Variants in XKR6 observed in about 807,000 individuals in gnomAD.
The protein encoded by XKR6 is XK-related protein 6.
XKR6 carries 22 observed loss-of-function variants against 56.7 expected under a neutral mutation model. The ratio of observed to expected loss-of-function variants is 0.39; its 90% CI spans 0.28 to 0.55. XKR6 has a LOEUF of 0.55. Among genes scored for constraint, XKR6 ranks in the 20% least tolerant of loss-of-function variants. The probability of loss-of-function intolerance (pLI) is 0.66; values close to 1 mark genes in which losing one functional copy is unlikely to be tolerated. For synonymous variants in XKR6, 524 were observed against 387.8 expected (o/e 1.35, Z -4.13); for missense variants, 852 against 889.0 (o/e 0.96, Z 0.53).
chr8:10,995,856 T>G (rs73662663), intron 1 of XKR6, among the ~76,000 whole-genome samples: 19,304 of 152,188 alleles, frequency 0.13, 1,358 homozygotes, highest in African/African-American at 0.19. Context: ...CAATCCTTCC[T>G]CTTTGGTGAA....
At chr8:10,971,601 T>C (rs1305240464) in intron 1 of XKR6, among the ~76,000 whole-genome samples, 1 of 152,022 alleles carries the variant, frequency 6.6e-6, no homozygotes, top group African/African-American at 2.4e-5. Context: ...CCCAGAGAAG[T>C]TGAGCAACTT....
chr8:10,945,317 CTA>C (rs1801502880), intron 1 of XKR6, among the ~76,000 whole-genome samples: 1 of 152,188 alleles, frequency 6.6e-6, no homozygotes, highest in Non-Finnish European at 1.5e-5. Context: ...AACCCTGTCT[CTA>C]CTAAAACTAC....
intron 1 of XKR6, among the ~76,000 whole-genome samples, chr8:10,963,789 C>G (rs1357005482): frequency 6.6e-6 from 1 of 152,154 alleles, no homozygotes; most frequent in Non-Finnish European, 1.5e-5. Flanking sequence ...AGCAATCCTC[C>G]CACCTCAGCC....
intron 1 of XKR6, among the ~76,000 whole-genome samples, chr8:10,992,454 T>C (rs1460396437): frequency 6.6e-6 from 1 of 152,168 alleles, no homozygotes; most frequent in Non-Finnish European, 1.5e-5. Flanking sequence ...CAGATGTGCT[T>C]CTTTCATCAG....
intron 1 of XKR6, among the ~76,000 whole-genome samples, chr8:11,116,340 G>A (rs917031909): frequency 1.3e-5 from 2 of 152,146 alleles, no homozygotes; most frequent in African/African-American, 4.8e-5. Flanking sequence ...CAGAGAACCT[G>A]TCGGCTACCC....
Position 11,201,383 on chromosome 8 carries a change from CGG to C in XKR6, c.-46_-45del, listed in dbSNP as rs553226221. 0.082 allele frequency: 12,587 copies of C among 154,272 alleles called. 148 individuals are homozygous for C. Among genetic ancestry groups the C allele is most frequent in the African/African-American group, 0.13 (2,303 of 18,336 alleles). 9.6% of individuals were successfully genotyped at this position (154,272 alleles called of 1,614,324 possible). ...TCCGGAGGTTGGGGGGGAGGGACGG[CGG>C]GGGGGGGGGGAAGAAGGCAGGGAAC... On this transcript the variant is annotated 5_prime_UTR_variant, in exon 1 of 3. Transcript: ENST00000416569.
intron 1 of XKR6, among the ~76,000 whole-genome samples, chr8:11,182,909 A>T: frequency 6.6e-6 from 1 of 152,000 alleles, no homozygotes; most frequent in Non-Finnish European, 1.5e-5. Context: ...CCCCCTTTCT[A>T]CTATGTCTCT....
chr8:11,166,246 T>C (rs942340181), intron 1 of XKR6, among the ~76,000 whole-genome samples: 1 of 152,216 alleles, frequency 6.6e-6, no homozygotes, highest in Admixed American at 6.5e-5. Context: ...TAAAGTTGTA[T>C]ATAAACCAAA....
At chr8:10,921,169 A>G (rs1483723192) in intron 2 of XKR6, among the ~76,000 whole-genome samples, 3 of 152,244 alleles carry the variant, frequency 2.0e-5, no homozygotes, top group Non-Finnish European at 1.5e-5. Context: ...GCCCCTTGGG[A>G]ATCCCCACTG....
intron 1 of XKR6, among the ~76,000 whole-genome samples, chr8:10,950,012 T>C (rs1801670630): frequency 6.6e-6 from 1 of 152,164 alleles, no homozygotes; most frequent in Non-Finnish European, 1.5e-5. Flanking sequence ...AGCTGGAAGC[T>C]TTCTGAGGTC....
intron 2 of XKR6, among the ~76,000 whole-genome samples, chr8:10,917,080 T>A (rs1800583777): frequency 6.6e-6 from 1 of 152,240 alleles, no homozygotes. Flanking sequence ...TGCTTTTTTT[T>A]TTTTTGGCAC....
intron 1 of XKR6, among the ~76,000 whole-genome samples, chr8:11,156,469 A>G (rs1219412622): frequency 6.6e-6 from 1 of 152,236 alleles, no homozygotes; most frequent in African/African-American, 2.4e-5. Flanking sequence ...AACTGAAATC[A>G]TAAGAGTTTC....
chr8:11,026,707 C>T (rs1214519988), intron 1 of XKR6, among the ~76,000 whole-genome samples: 2 of 151,680 alleles, frequency 1.3e-5, no homozygotes, highest in Non-Finnish European at 2.9e-5. Flanking sequence ...TAGCCTACTA[C>T]ACACCTAGAT....
At chr8:11,069,886 G>A (rs926128069) in intron 1 of XKR6, among the ~76,000 whole-genome samples, 2 of 152,150 alleles carry the variant, frequency 1.3e-5, no homozygotes, top group African/African-American at 2.4e-5. Context: ...AAAAACTATC[G>A]GAGTCAACCT....
At chr8:11,113,987 G>A in intron 1 of XKR6, 1 of 374,708 alleles carries the variant, frequency 2.7e-6, no homozygotes, top group South Asian at 2.0e-5. Context: ...TACCATGCGG[G>A]CTGAAGTGGT....
At chr8:10,973,123 C>A (rs377395101) in intron 1 of XKR6, among the ~76,000 whole-genome samples, 10 of 152,136 alleles carry the variant, frequency 6.6e-5, no homozygotes, top group Non-Finnish European at 1.5e-4. Context: ...CCTGAGAACA[C>A]GCATTATAGG....
At chr8:11,087,498 G>A (rs1005699468) in intron 1 of XKR6, among the ~76,000 whole-genome samples, 18 of 152,132 alleles carry the variant, frequency 1.2e-4, no homozygotes, top group Non-Finnish European at 2.4e-4. Flanking sequence ...AGGCTGGCAG[G>A]CTTATGGACA....
At chr8:11,000,175 CT>C (rs561950034) in intron 1 of XKR6, among the ~76,000 whole-genome samples, 255 of 152,242 alleles carry the variant, frequency 1.7e-3, no homozygotes, top group African/African-American at 5.9e-3. Context: ...TTCCTCACCC[CT>C]GGTCCTGTCT....
In XKR6 at chr8:10,911,081, G is replaced by A. The variant is rs143520069; in HGVS notation, c.962-12165C>T. ...GGTTCCGTACAAACAGCTGGCTTGG[G>A]TCCAGCCATGTGGACCTGGGCAAAT... On this transcript the variant is annotated intron_variant, in intron 2 of 2. Transcript: ENST00000416569. Among the ~76,000 whole-genome samples the A allele has an allele frequency of 2.4e-3, 369 of 152,240 alleles. 5 individuals carry two copies. Among genetic ancestry groups the A allele is most frequent in the East Asian group, 7.5e-3 (39 of 5,186 alleles).
Sources: gnomAD v4.1 joint callset for allele counts (sites outside exome capture counted in the v4.1 genomes callset) on GRCh38, gnomAD v4.1.1 for gene constraint, MANE v1.5 for transcripts, NCBI Gene and HGNC (gene_info 2026-07-23, HGNC 2026-07-21) for gene names.